Variants in MICU1 observed in about 807,000 individuals in gnomAD.
MICU1 encodes the protein calcium uptake protein 1, mitochondrial.
MICU1 carries 45 observed loss-of-function variants against 56.8 expected under a neutral mutation model. That is an observed-to-expected ratio of 0.79 (90% confidence interval 0.62 to 1.02). The LOEUF (loss-of-function observed/expected upper bound fraction) is 1.02, where lower values mean the gene tolerates loss of function less well. Among genes scored for constraint, MICU1 ranks in the 50% least tolerant of loss-of-function variants. MICU1 has a pLI of 0.00. For missense variants in MICU1, 504 were observed against 587.1 expected, an observed-to-expected ratio of 0.86 and a Z score of 1.46; for synonymous variants, 186 against 195.1, an observed-to-expected ratio of 0.95 and a Z score of 0.39.
At chr10:72,534,975 T>C (rs992566334) in intron 4 of MICU1, among the ~76,000 whole-genome samples, 1 of 108,880 alleles carries the variant, frequency 9.2e-6, no homozygotes, top group Non-Finnish European at 2.2e-5. Context: ...TTCTAGACAA[T>C]TAAAACTTTG....
At position 72,464,295 on chromosome 10, in the gene MICU1, CAA is replaced by C. The variant is rs58499998; in HGVS notation, c.933+10803_933+10804del. Among the ~76,000 whole-genome samples the C allele has an allele frequency of 4.4e-3, 438 of 99,914 alleles. 1 individual carries two copies. Among genetic ancestry groups the C allele is most frequent in the African/African-American group, 0.019 (416 of 22,306 alleles). The allele number at this position is 99,914 out of a possible 152,430, so 65.5% of individuals were successfully genotyped here. A position where few individuals can be genotyped will look rare whatever the true frequency, so the allele number is the denominator to read the frequency against. On this transcript the variant is annotated intron_variant, in intron 8 of 11. Coordinates refer to ENST00000361114, the MANE Select transcript of MICU1 (RefSeq NM_001195518.2). The stretch of plus-strand genomic sequence containing the variant: ...GGGGTGACAGAGTGAGATTCTGTCT[CAA>C]AAAAAAAAAAAAAAAAAAAAAAAAA...
chr10:72,611,260 T>C (rs1841839693), intron 1 of MICU1, among the ~76,000 whole-genome samples: 1 of 143,172 alleles, frequency 7.0e-6, no homozygotes. Flanking sequence ...CAGAGATCGC[T>C]CCACTGCACT....
intron 6 of MICU1, among the ~76,000 whole-genome samples, chr10:72,490,872 G>T (rs141740433): frequency 2.3e-4 from 35 of 152,276 alleles, no homozygotes; most frequent in African/African-American, 7.2e-4. Flanking sequence ...AATCTCCTTT[G>T]ACATTTCACC....
chr10:72,482,961 T>C (rs1181960242), intron 6 of MICU1, among the ~76,000 whole-genome samples: 1 of 152,058 alleles, frequency 6.6e-6, no homozygotes, highest in Non-Finnish European at 1.5e-5. Flanking sequence ...GTTCAAGCGA[T>C]TCTCCTGCCT....
chr10:72,429,595 A>G (rs1864461165), intron 8 of MICU1, among the ~76,000 whole-genome samples: 1 of 152,188 alleles, frequency 6.6e-6, no homozygotes, highest in South Asian at 2.1e-4. Flanking sequence ...GCATAAAGAA[A>G]GAGCTCAATA....
At chr10:72,563,167 CAAATATTCTACATGA>C in intron 2 of MICU1, 104 bp from the exon 3 acceptor site, 1 of 850,490 alleles carries the variant, frequency 1.2e-6, no homozygotes, top group Non-Finnish European at 1.6e-6. Context: ...TGAAATTTGT[CAAATATTCTACATGA>C]AGAAGTTCCT....
At chr10:72,621,814 T>A (rs1808255171) in intron 1 of MICU1, among the ~76,000 whole-genome samples, 1 of 152,126 alleles carries the variant, frequency 6.6e-6, no homozygotes, top group Non-Finnish European at 1.5e-5. Context: ...TTTTTTCAAG[T>A]TCTTTAAGTG....
intron 8 of MICU1, among the ~76,000 whole-genome samples, chr10:72,424,653 T>C (rs1419936940): frequency 5.3e-5 from 8 of 152,106 alleles, no homozygotes; most frequent in Non-Finnish European, 1.2e-4. Flanking sequence ...GAGCAGCTAC[T>C]ATTAGCTCCA....
chr10:72,420,071 T>C (rs7072132), intron 9 of MICU1, among the ~76,000 whole-genome samples: 79,288 of 152,082 alleles, frequency 0.52, 22,155 homozygotes, highest in Non-Finnish European at 0.65. Flanking sequence ...CTTTTCCTTT[T>C]TTTTTAAGAC....
chr10:72,468,586 T>C (rs1463307286), intron 8 of MICU1, among the ~76,000 whole-genome samples: 1 of 151,914 alleles, frequency 6.6e-6, no homozygotes, highest in East Asian at 1.9e-4. Flanking sequence ...CTGTTTTTTT[T>C]GTGAGTTCCC....
chr10:72,563,506 A>T (rs1840350130), intron 2 of MICU1, among the ~76,000 whole-genome samples: 1 of 152,222 alleles, frequency 6.6e-6, no homozygotes. Context: ...CTTCACTTAC[A>T]TGAGTTACCT....
intron 9 of MICU1, among the ~76,000 whole-genome samples, chr10:72,411,694 G>A (rs1412655824): frequency 6.6e-6 from 1 of 152,082 alleles, no homozygotes; most frequent in Non-Finnish European, 1.5e-5. Flanking sequence ...AGGCTAAAAG[G>A]TTAACATAAA....
intron 6 of MICU1, among the ~76,000 whole-genome samples, chr10:72,481,446 C>CT (rs1866292728): frequency 6.6e-6 from 1 of 152,028 alleles, no homozygotes; most frequent in Non-Finnish European, 1.5e-5. Flanking sequence ...GAATCTTGCT[C>CT]TATTGCCCAG....
At chr10:72,441,395 G>A (rs1864921821) in intron 8 of MICU1, among the ~76,000 whole-genome samples, 1 of 150,602 alleles carries the variant, frequency 6.6e-6, no homozygotes, top group African/African-American at 2.4e-5. Flanking sequence ...TCACACACCA[G>A]GGCCTGTTGG....
intron 6 of MICU1, among the ~76,000 whole-genome samples, chr10:72,484,369 T>TA (rs35180861): frequency 1.7e-4 from 24 of 138,872 alleles, no homozygotes; most frequent in East Asian, 8.3e-4. Flanking sequence ...AACACAGAAT[T>TA]AAAAAAAAAA....
At chr10:72,560,168 G>A (rs933812049) in intron 3 of MICU1, 1 of 152,358 alleles carries the variant, frequency 6.6e-6, no homozygotes, top group African/African-American at 2.4e-5. Context: ...GAAGAAAAAG[G>A]GGATTAAAAA....
chr10:72,589,267 C>T (rs1004075329), intron 1 of MICU1, among the ~76,000 whole-genome samples: 12 of 150,370 alleles, frequency 8.0e-5, no homozygotes, highest in South Asian at 2.1e-4. Context: ...CCAGCCTGGG[C>T]GACTGACTGA....
chr10:72,414,166 T>A (rs1424432515), intron 9 of MICU1, among the ~76,000 whole-genome samples: 1 of 152,190 alleles, frequency 6.6e-6, no homozygotes, highest in Admixed American at 6.6e-5. Flanking sequence ...GGAGGACTTG[T>A]ACGCAATGTT....
intron 8 of MICU1, among the ~76,000 whole-genome samples, chr10:72,471,279 T>C (rs1278398899): frequency 2.0e-5 from 3 of 152,088 alleles, no homozygotes; most frequent in Non-Finnish European, 2.9e-5. Flanking sequence ...AGAGATGGGG[T>C]TTCACCATGT....
Sources: gnomAD v4.1 joint callset for allele counts (sites outside exome capture counted in the v4.1 genomes callset) on GRCh38, gnomAD v4.1.1 for gene constraint, MANE v1.5 for transcripts, NCBI Gene and HGNC (gene_info 2026-07-23, HGNC 2026-07-21) for gene names.